The following PHEX variants were observed in gnomAD, a reference collection of about 807,000 sequenced individuals.
PHEX encodes the protein phosphate regulating endopeptidase X-linked.
PHEX carries 16 observed loss-of-function variants against 68.0 expected under a neutral mutation model. The ratio of observed to expected loss-of-function variants is 0.24; its 90% CI spans 0.16 to 0.36. The LOEUF (loss-of-function observed/expected upper bound fraction) is 0.36, where lower values mean the gene tolerates loss of function less well. Among genes scored for constraint, PHEX ranks in the 10% least tolerant of loss-of-function variants. The pLI, the probability that PHEX is intolerant of heterozygous loss-of-function variation, is 1.00. For missense variants in PHEX, 480 were observed against 575.5 expected, an observed-to-expected ratio of 0.83 and a Z score of 1.70; for synonymous variants, 208 against 205.1, an observed-to-expected ratio of 1.01 and a Z score of -0.12.
At chrX:22,188,510 G>A (rs62589348) in intron 14 of PHEX, among the ~76,000 whole-genome samples, 25,308 of 112,275 alleles carry the variant, frequency 0.23, 2,286 homozygotes, top group East Asian at 0.32. Flanking sequence ...CTGTTTTTGT[G>A]TGGCCCATGA....
chrX:22,245,556 A>G, intron 21 of PHEX, 147 bp downstream of exon 21: 2 of 515,012 alleles, frequency 3.9e-6, no homozygotes, highest in East Asian at 7.1e-5. Flanking sequence ...CAGCCAAAAA[A>G]TATCTGGCCA....
chrX:22,234,064 G>T (rs893888458), intron 20 of PHEX, among the ~76,000 whole-genome samples: 1 of 112,647 alleles, frequency 8.9e-6, no homozygotes, highest in Non-Finnish European at 1.9e-5. Flanking sequence ...CTCCTCTGCT[G>T]CAGGTCTGCT....
intron 13 of PHEX, among the ~76,000 whole-genome samples, chrX:22,168,860 T>C (rs752169093): frequency 1.2e-3 from 137 of 112,223 alleles, no homozygotes; most frequent in Middle Eastern, 4.6e-3. Context: ...CTCTATAATT[T>C]ATTGTGAATT....
intron 15 of PHEX, among the ~76,000 whole-genome samples, chrX:22,209,044 T>C (rs376182706): frequency 9.0e-5 from 10 of 111,691 alleles, no homozygotes; most frequent in African/African-American, 3.3e-4. Context: ...GAAGTTTGCT[T>C]GTGTAAGTTG....
chrX:22,082,906 C>A (rs568557713), intron 5 of PHEX, among the ~76,000 whole-genome samples: 1 of 111,945 alleles, frequency 8.9e-6, no homozygotes, highest in Non-Finnish European at 1.9e-5. Flanking sequence ...CCAAAGCAAT[C>A]CTAAGCAAAA....
intron 13 of PHEX, among the ~76,000 whole-genome samples, chrX:22,176,405 ATAT>A: frequency 1.6e-5 from 1 of 64,011 alleles, no homozygotes; most frequent in African/African-American, 1.2e-4. Context: ...AAAAAAAAAT[ATAT>A]ATATATATAT....
chrX:22,225,178 T>C, intron 18 of PHEX, among the ~76,000 whole-genome samples: 1 of 108,347 alleles, frequency 9.2e-6, no homozygotes, highest in Non-Finnish European at 1.9e-5. Flanking sequence ...AGTCTTCTCA[T>C]GTTGCATCAC....
At chrX:22,213,525 C>T (rs1381043364) in intron 16 of PHEX, among the ~76,000 whole-genome samples, 2 of 111,724 alleles carry the variant, frequency 1.8e-5, no homozygotes, top group Non-Finnish European at 1.9e-5. Flanking sequence ...ACCTGTGTAG[C>T]TACAGAATAA....
intron 6 of PHEX, among the ~76,000 whole-genome samples, chrX:22,090,824 G>A (rs952950805): frequency 2.7e-5 from 3 of 111,789 alleles, no homozygotes; most frequent in East Asian, 5.6e-4. Flanking sequence ...GAAATAAAGC[G>A]TCAGAAGAGA....
intron 3 of PHEX, among the ~76,000 whole-genome samples, chrX:22,067,825 A>AT (rs775606546): frequency 0.011 from 1,102 of 96,730 alleles, 7 homozygotes; most frequent in African/African-American, 0.023. Flanking sequence ...ACAAGCTCCC[A>AT]TTTTTTTTTT....
At chrX:22,185,582 A>T (rs1211591458) in intron 14 of PHEX, among the ~76,000 whole-genome samples, 1 of 111,397 alleles carries the variant, frequency 9.0e-6, no homozygotes, top group African/African-American at 3.3e-5. Context: ...TTCTGGGAAG[A>T]TTCAGCCCAT....
intron 21 of PHEX, among the ~76,000 whole-genome samples, chrX:22,246,724 CTA>C (rs1936402430): frequency 8.9e-6 from 1 of 112,197 alleles, no homozygotes; most frequent in African/African-American, 3.2e-5. Context: ...GTGAATCACA[CTA>C]TGAAATATGC....
chrX:22,063,740 C>G (rs1004679665), intron 3 of PHEX, among the ~76,000 whole-genome samples: 4 of 112,454 alleles, frequency 3.6e-5, no homozygotes, highest in African/African-American at 1.3e-4. Context: ...TTCAGTTGTC[C>G]TTAAAATGCT....
intron 3 of PHEX, among the ~76,000 whole-genome samples, chrX:22,069,187 G>A (rs1468198038): frequency 9.0e-6 from 1 of 111,394 alleles, no homozygotes; most frequent in Admixed American, 9.6e-5. Context: ...AATGCTATAC[G>A]AAAAAACTGA....
At chrX:22,200,219 A>G (rs983603249) in intron 15 of PHEX, among the ~76,000 whole-genome samples, 2 of 112,502 alleles carry the variant, frequency 1.8e-5, no homozygotes, top group African/African-American at 6.5e-5. Context: ...AAACTAGCAA[A>G]TTGCAGAGCT....
intron 12 of PHEX, among the ~76,000 whole-genome samples, chrX:22,152,233 A>G (rs1264944500): frequency 9.0e-6 from 1 of 111,401 alleles, no homozygotes; most frequent in Non-Finnish European, 1.9e-5. Context: ...GAGCTGTGAA[A>G]TGGGGATGAT....
At chrX:22,164,776 A>T (rs1170866844) in intron 12 of PHEX, among the ~76,000 whole-genome samples, 1 of 112,646 alleles carries the variant, frequency 8.9e-6, no homozygotes, top group Non-Finnish European at 1.9e-5. Context: ...GTGCAAAATT[A>T]AATACAATGC....
At chrX:22,200,451 C>G (rs2082852452) in intron 15 of PHEX, among the ~76,000 whole-genome samples, 1 of 109,766 alleles carries the variant, frequency 9.1e-6, no homozygotes, top group South Asian at 3.9e-4. Context: ...TCTACTGAAA[C>G]TACAAAAATT....
rs192776090 is a variant in PHEX, at chrX:22,158,233, G to A, written c.1405-10079G>A. On this transcript the variant is annotated intron_variant, in intron 12 of 21. Coordinates refer to ENST00000379374, the MANE Select transcript of PHEX (RefSeq NM_000444.6). ...TGAATGATAGTGTAATTCATGTACA[G>A]TCTCCTGAACTTCTGGGTGCTTAAA... is the stretch of plus-strand genomic sequence containing the variant. Among the ~76,000 whole-genome samples the A allele has an allele frequency of 3.1e-3, 349 of 111,908 alleles. 3 individuals carry two copies. The highest frequency in any genetic ancestry group is 5.1e-3 in the Non-Finnish European group (273 of 53,215).
Sources: gnomAD v4.1 joint callset for allele counts (sites outside exome capture counted in the v4.1 genomes callset) on GRCh38, gnomAD v4.1.1 for gene constraint, MANE v1.5 for transcripts, NCBI Gene and HGNC (gene_info 2026-07-23, HGNC 2026-07-21) for gene names.